FGGY: variants seen among roughly 807,000 people sequenced by gnomAD.
FGGY encodes FGGY carbohydrate kinase domain-containing protein.
In FGGY, 72 loss-of-function variants were observed where a neutral mutation model predicts 71.3. The ratio of observed to expected loss-of-function variants is 1.01; its 90% CI spans 0.84 to 1.23. FGGY has a LOEUF of 1.23. Ranked by LOEUF, FGGY falls within the 50% of genes most tolerant of loss-of-function variation. FGGY has a pLI of 0.00. For synonymous variants in FGGY, 251 were observed against 250.3 expected, an observed-to-expected ratio of 1.00 and a Z score of -0.02; for missense variants, 668 against 682.3, an observed-to-expected ratio of 0.98 and a Z score of 0.23.
chr1:59,499,727 A>G (rs1007457168), intron 6 of FGGY, among the ~76,000 whole-genome samples: 1 of 152,202 alleles, frequency 6.6e-6, no homozygotes, highest in Admixed American at 6.5e-5. Context: ...AGAACCTAAC[A>G]TCTTATTAGT....
At chr1:59,556,521 C>T (rs1246984827) in intron 8 of FGGY, among the ~76,000 whole-genome samples, 1 of 152,180 alleles carries the variant, frequency 6.6e-6, no homozygotes, top group Non-Finnish European at 1.5e-5. Context: ...GCTCATACTC[C>T]TCCTTGCCTC....
At chr1:59,527,529 T>C (rs1391311988) in intron 7 of FGGY, among the ~76,000 whole-genome samples, 1 of 152,194 alleles carries the variant, frequency 6.6e-6, no homozygotes, top group African/African-American at 2.4e-5. Context: ...TTCACCCCAT[T>C]GTCTCTTCTC....
chr1:59,299,755 A>G (rs893641348), intron 1 of FGGY, among the ~76,000 whole-genome samples: 28 of 152,078 alleles, frequency 1.8e-4, no homozygotes, highest in Admixed American at 7.9e-4. Context: ...TCGTTCCCCT[A>G]TTGGCTAGGG....
At chr1:59,651,609 A>T (rs1331837888) in intron 11 of FGGY, among the ~76,000 whole-genome samples, 1 of 149,864 alleles carries the variant, frequency 6.7e-6, no homozygotes, top group African/African-American at 2.5e-5. Context: ...TGCTTGGTAG[A>T]TCTTCCTCCA....
In FGGY at chr1:59,479,199, C is replaced by T. The variant is rs566196812; in HGVS notation, c.670+22123C>T. 4.3e-4 allele frequency among the ~76,000 whole-genome samples: 65 copies of T among 152,130 alleles called. 1 individual carries two copies. Among genetic ancestry groups the T allele is most frequent in the African/African-American group, 1.5e-3 (64 of 41,484 alleles). The stretch of plus-strand genomic sequence containing the variant: ...GCTGGGTTCAAGCCAAGACAGGTGT[C>T]AGGACTCAGAGTCACAGTTGAGAAA... On this transcript the variant is annotated intron_variant, in intron 6 of 15. Coordinates refer to ENST00000303721, the MANE Select transcript of FGGY (RefSeq NM_018291.5).
intron 14 of FGGY, among the ~76,000 whole-genome samples, chr1:59,702,666 A>G (rs1050058102): frequency 1.3e-5 from 2 of 152,194 alleles, no homozygotes; most frequent in Non-Finnish European, 2.9e-5. Flanking sequence ...TCTTTGCTGT[A>G]CTACTCTCTT....
intron 8 of FGGY, among the ~76,000 whole-genome samples, chr1:59,576,540 AC>A (rs1192611034): frequency 6.6e-6 from 1 of 152,164 alleles, no homozygotes; most frequent in Admixed American, 6.5e-5. Context: ...CACGTTCTGC[AC>A]ACGTATCCCA....
At chr1:59,677,613 G>C (rs558607586) in intron 14 of FGGY, among the ~76,000 whole-genome samples, 41 of 152,118 alleles carry the variant, frequency 2.7e-4, no homozygotes, top group Admixed American at 3.9e-4. Flanking sequence ...TACCTTTCTT[G>C]GGTGATACCA....
At chr1:59,347,178 G>A (rs1412719758) in intron 4 of FGGY, among the ~76,000 whole-genome samples, 1 of 150,802 alleles carries the variant, frequency 6.6e-6, no homozygotes, top group Non-Finnish European at 1.5e-5. Context: ...CGTGTGCCAT[G>A]TTGGTGTGCT....
chr1:59,591,096 G>A (rs906709954), intron 8 of FGGY, among the ~76,000 whole-genome samples: 2 of 152,094 alleles, frequency 1.3e-5, no homozygotes, highest in African/African-American at 2.4e-5. Context: ...CAAAGTCTCA[G>A]GATACAAAAT....
intron 7 of FGGY, among the ~76,000 whole-genome samples, chr1:59,533,275 C>T (rs762384669): frequency 6.6e-6 from 1 of 152,202 alleles, no homozygotes; most frequent in Non-Finnish European, 1.5e-5. Context: ...GACTCCCACC[C>T]GAATATTGCG....
rs530793315 is a variant in FGGY at position 59,669,996 on chromosome 1, CTGTTAA to C, written c.1417+2595_1417+2600del. Among the ~76,000 whole-genome samples the C allele has an allele frequency of 3.5e-3, 537 of 152,288 alleles. 7 individuals are homozygous for C. The highest frequency in any genetic ancestry group is 0.012 in the African/African-American group (514 of 41,550). On this transcript the variant is annotated intron_variant, in intron 13 of 15. Transcript: ENST00000303721. ...TCCTCTAGGCTGTTGAATGAAAAGG[CTGTTAA>C]TCGTTATTTGGATTCCGATTGAAAC...
intron 5 of FGGY, among the ~76,000 whole-genome samples, chr1:59,386,677 G>A (rs921452601): frequency 7.9e-5 from 12 of 151,984 alleles, no homozygotes; most frequent in African/African-American, 2.7e-4. Context: ...TTCTTTATGG[G>A]AGATTTGTCT....
At chr1:59,300,997 C>A (rs527579234) in intron 1 of FGGY, among the ~76,000 whole-genome samples, 42 of 152,222 alleles carry the variant, frequency 2.8e-4, no homozygotes, top group African/African-American at 1.0e-3. Flanking sequence ...TTGTCCATTT[C>A]AAAATAAGGC....
intron 14 of FGGY, among the ~76,000 whole-genome samples, chr1:59,725,180 A>T (rs906573894): frequency 6.6e-6 from 1 of 152,242 alleles, no homozygotes; most frequent in Non-Finnish European, 1.5e-5. Context: ...GCATGTGGAC[A>T]TACAATATTT....
intron 1 of FGGY, among the ~76,000 whole-genome samples, chr1:59,319,985 A>G (rs2046108019): frequency 6.6e-6 from 1 of 152,202 alleles, no homozygotes; most frequent in South Asian, 2.1e-4. Flanking sequence ...TCACTGTTGA[A>G]TGAATGAAGG....
At chr1:59,442,580 C>T (rs922349736) in intron 5 of FGGY, among the ~76,000 whole-genome samples, 1 of 152,056 alleles carries the variant, frequency 6.6e-6, no homozygotes, top group Non-Finnish European at 1.5e-5. Flanking sequence ...ACCTCTTTGT[C>T]TTGTGTGGAA....
At chr1:59,454,338 A>G (rs1205274403) in intron 5 of FGGY, among the ~76,000 whole-genome samples, 1 of 152,186 alleles carries the variant, frequency 6.6e-6, no homozygotes, top group Non-Finnish European at 1.5e-5. Flanking sequence ...GGAATTTCAG[A>G]TGTCATATGC....
chr1:59,642,930 G>A (rs2097051595), intron 11 of FGGY, among the ~76,000 whole-genome samples: 1 of 151,228 alleles, frequency 6.6e-6, no homozygotes, highest in South Asian at 2.1e-4. Flanking sequence ...AGCTACTCGG[G>A]AGGCTGAGGC....
Sources: gnomAD v4.1 joint callset for allele counts (sites outside exome capture counted in the v4.1 genomes callset) on GRCh38, gnomAD v4.1.1 for gene constraint, MANE v1.5 for transcripts, NCBI Gene and HGNC (gene_info 2026-07-23, HGNC 2026-07-21) for gene names.